LRRC38: variants seen among roughly 807,000 people sequenced by gnomAD.
LRRC38 encodes the protein leucine rich repeat containing 38.
Under a neutral mutation model 16.4 loss-of-function variants are expected in LRRC38, and 5 were observed. That is an observed-to-expected ratio of 0.31 (90% CI 0.16 to 0.64). The LOEUF is 0.64. Ranked by LOEUF, LRRC38 falls within the 30% of genes least tolerant of loss-of-function variation. The probability of loss-of-function intolerance (pLI) is 0.80; values close to 1 mark genes in which losing one functional copy is unlikely to be tolerated. For synonymous variants in LRRC38, 191 were observed against 190.2 expected (o/e 1.00, Z -0.04); for missense variants, 341 against 401.8 (o/e 0.85, Z 1.29).
intron 1 of LRRC38, among the ~76,000 whole-genome samples, chr1:13,486,269 T>C (rs1397820313): frequency 2.0e-5 from 3 of 152,170 alleles, no homozygotes; most frequent in Non-Finnish European, 4.4e-5. Flanking sequence ...CAAGTCTCCC[T>C]CTGCCCTTCC....
At chr1:13,477,250 T>C (rs1044359212) in intron 1 of LRRC38, among the ~76,000 whole-genome samples, 7 of 152,330 alleles carry the variant, frequency 4.6e-5, no homozygotes, top group African/African-American at 1.7e-4. Flanking sequence ...TGCGAGAATA[T>C]AGACATTCAT....
chr1:13,483,917 AGAGGAGAGGAGTGGGGAGGG>A (rs1176798179), intron 1 of LRRC38, among the ~76,000 whole-genome samples: 1 of 125,814 alleles, frequency 7.9e-6, no homozygotes, highest in Non-Finnish European at 1.6e-5. Context: ...GAACCAACAG[AGAGGAGAGGAGTGGGGAGGG>A]GAGGAGCGGG....
In LRRC38 at chr1:13,475,137, T is replaced by G. The variant is rs1359413992; in HGVS notation, c.*709A>C. 6.6e-6 allele frequency: 1 copy of G among 152,218 alleles called. No individual in the cohort carries two copies. Among genetic ancestry groups the G allele is most frequent in the Non-Finnish European group, 1.5e-5 (1 of 68,080 alleles). 9.4% of individuals were successfully genotyped at this position (152,218 alleles called of 1,614,324 possible). A position where few individuals can be genotyped will look rare whatever the true frequency, so the allele number is the denominator to read the frequency against. On this transcript the variant is annotated 3_prime_UTR_variant, in exon 2 of 2. Coordinates refer to ENST00000376085, the MANE Select transcript of LRRC38 (RefSeq NM_001010847.2). The surrounding 1 kb of genome is among the most constrained non-coding windows in gnomAD (Gnocchi z 4.3). ...AAGCATTGAAGGGGTGAAGGAGCTC[T>G]CTGGGGCCACCTTTCATGAGGGCAC...
At chr1:13,501,138 G>A (rs1027920344) in intron 1 of LRRC38, among the ~76,000 whole-genome samples, 2 of 151,994 alleles carry the variant, frequency 1.3e-5, no homozygotes, top group Non-Finnish European at 2.9e-5. Flanking sequence ...TGGTACTGAT[G>A]TGGCATACTA....
At chr1:13,511,655 G>A (rs1215254631) in intron 1 of LRRC38, among the ~76,000 whole-genome samples, 3 of 152,114 alleles carry the variant, frequency 2.0e-5, no homozygotes, top group Admixed American at 1.3e-4. Flanking sequence ...ATCCCACCAT[G>A]AGCTTTTCAT....
intron 1 of LRRC38, among the ~76,000 whole-genome samples, chr1:13,486,340 A>C (rs961531171): frequency 2.0e-5 from 3 of 152,250 alleles, no homozygotes; most frequent in Non-Finnish European, 2.9e-5. Flanking sequence ...GGATGATCTC[A>C]TCTCCAGATC....
chr1:13,513,738 CG>C lies in LRRC38; in HGVS notation c.-146del. Reference sequence around the variant, plus strand: ...CGGGGAGGGCGTGCGCCCGGGCGTGCGGGGGCGATGGAGCGCGGCGCGGACG... The same window carrying C: ...CGGGGAGGGCGTGCGCCCGGGCGTGCGGGGCGATGGAGCGCGGCGCGGACG... On this transcript the variant is annotated 5_prime_UTR_variant, in exon 1 of 2. Coordinates refer to ENST00000376085, the MANE Select transcript of LRRC38 (RefSeq NM_001010847.2). 4.9e-6 allele frequency: 1 copy of C among 204,088 alleles called. No homozygotes were observed. 12.6% of individuals were successfully genotyped at this position (204,088 alleles called of 1,614,324 possible). A position where few individuals can be genotyped will look rare whatever the true frequency, so the allele number is the denominator to read the frequency against.
At chr1:13,489,777 C>T (rs6682501) in intron 1 of LRRC38, among the ~76,000 whole-genome samples, 25,616 of 152,088 alleles carry the variant, frequency 0.17, 2,228 homozygotes, top group East Asian at 0.24. Context: ...CATTAAATAT[C>T]GACAGTTGCA....
intron 1 of LRRC38, among the ~76,000 whole-genome samples, chr1:13,503,950 T>C (rs1406419012): frequency 6.6e-6 from 1 of 152,124 alleles, no homozygotes; most frequent in Non-Finnish European, 1.5e-5. Context: ...ATTGGCAGCC[T>C]CCGACGTGCA....
intron 1 of LRRC38, among the ~76,000 whole-genome samples, chr1:13,493,889 C>T (rs1639048965): frequency 6.6e-6 from 1 of 152,102 alleles, no homozygotes; most frequent in East Asian, 1.9e-4. Flanking sequence ...ATGGTGAAAC[C>T]CCATCTCTAC....
At chr1:13,476,593 T>C (rs1393091680) in intron 1 of LRRC38, among the ~76,000 whole-genome samples, 1 of 152,210 alleles carries the variant, frequency 6.6e-6, no homozygotes, top group African/African-American at 2.4e-5. Flanking sequence ...CCTCTGAAAG[T>C]GCTGGGATTA....
At chr1:13,480,584 G>A (rs1302089312) in intron 1 of LRRC38, among the ~76,000 whole-genome samples, 1 of 152,194 alleles carries the variant, frequency 6.6e-6, no homozygotes, top group African/African-American at 2.4e-5. Flanking sequence ...CTGTTAAGGT[G>A]GAGATAATTG....
chr1:13,501,623 TCA>T (rs1339487030), intron 1 of LRRC38, among the ~76,000 whole-genome samples: 12 of 138,288 alleles, frequency 8.7e-5, no homozygotes, highest in Admixed American at 2.2e-4. Context: ...AGATAGAGTC[TCA>T]CTCTGTTGCC....
intron 1 of LRRC38, among the ~76,000 whole-genome samples, chr1:13,486,100 G>A (rs548574213): frequency 5.3e-5 from 8 of 151,964 alleles, no homozygotes; most frequent in South Asian, 2.1e-4. Context: ...CACCACGCCC[G>A]GCTAATTTTT....
chr1:13,488,102 G>C (rs895997144), intron 1 of LRRC38, among the ~76,000 whole-genome samples: 1 of 150,254 alleles, frequency 6.7e-6, no homozygotes, highest in Non-Finnish European at 1.5e-5. Flanking sequence ...CCACCACTCT[G>C]TCGGATAACC....
At chr1:13,504,252 A>G (rs1303691650) in intron 1 of LRRC38, among the ~76,000 whole-genome samples, 1 of 152,174 alleles carries the variant, frequency 6.6e-6, no homozygotes, top group Non-Finnish European at 1.5e-5. Flanking sequence ...ACTGAGGACC[A>G]GGAACATCAG....
intron 1 of LRRC38, among the ~76,000 whole-genome samples, chr1:13,500,233 C>T (rs768742403): frequency 3.0e-5 from 4 of 133,870 alleles, no homozygotes; most frequent in Admixed American, 7.8e-5. Context: ...CCAGCCCGGG[C>T]GACAGAGTGA....
chr1:13,506,909 T>A (rs1296187485), intron 1 of LRRC38, among the ~76,000 whole-genome samples: 2 of 152,230 alleles, frequency 1.3e-5, no homozygotes, highest in Non-Finnish European at 2.9e-5. Context: ...TTTGGGTAAC[T>A]GAGCCGGCTG....
rs749734395 is a variant in LRRC38 at position 13,513,225 on chromosome 1, G to A, written c.369C>T (p.Ala123=). 6.4e-7 allele frequency: 1 copy of A among 1,550,496 alleles called. No individual in the cohort carries two copies. The highest frequency in any genetic ancestry group is 1.2e-5 in the South Asian group (1 of 84,056). The change falls in exon 1 of 2, where the codon GCC becomes GCT. Residue 123 remains alanine (A), a synonymous_variant. Coordinates refer to ENST00000376085, the MANE Select transcript of LRRC38 (RefSeq NM_001010847.2). ...TCACCAGCCTCCCGGCCGAGCGGAA[G>A]GCGCCGGCGCCCAGCTGGGTCAAGT... ...YNNLTQLGAG[A]FRSAGRLVKL...
Sources: gnomAD v4.1 joint callset for allele counts (sites outside exome capture counted in the v4.1 genomes callset) on GRCh38, gnomAD v4.1.1 for gene constraint, Gnocchi (gnomAD v3.1) non-coding constraint, MANE v1.5 for transcripts, NCBI Gene and HGNC (gene_info 2026-07-23, HGNC 2026-07-21) for gene names.